APBA2: variants seen among roughly 807,000 people sequenced by gnomAD.
APBA2 encodes the protein amyloid-beta A4 precursor protein-binding family A member 2.
APBA2 carries 30 observed loss-of-function variants against 75.0 expected under a neutral mutation model. The ratio of observed to expected loss-of-function variants is 0.40; its 90% CI spans 0.30 to 0.54. The LOEUF is 0.54. Among genes scored for constraint, APBA2 ranks in the 20% least tolerant of loss-of-function variants. The pLI is 0.49. For missense variants in APBA2, 801 were observed against 1,016.1 expected (o/e 0.79, Z 2.88); for synonymous variants, 444 against 409.6 (o/e 1.08, Z -1.01).
At position 29,106,773 on chromosome 15, in the gene APBA2, C is replaced by G. The variant is rs749185300; in HGVS notation, c.1871C>G (p.Thr624Ser). The G allele has an allele frequency of 6.2e-7, 1 of 1,613,082 alleles. No homozygotes were observed. The highest frequency in any genetic ancestry group is 1.1e-5 in the South Asian group (1 of 91,082). The part of the protein sequence containing the change: ...IGDQIMSING[T>S]SLVGLPLATC... ...GACCAGATCATGTCCATCAATGGCACCAGCCTGGTGGGGCTGCCCCTCGCC... is the reference window on the plus strand; with the variant it reads ...GACCAGATCATGTCCATCAATGGCAGCAGCCTGGTGGGGCTGCCCCTCGCC... The change falls in exon 12 of 15, where the codon ACC becomes AGC. Residue 624 changes from threonine (T) to serine (S), a missense_variant. This residue lies in a region of APBA2 where 367 missense variants were observed against 544.5 expected (regional missense o/e 0.67). Transcript: ENST00000683413.
In APBA2 at chr15:29,046,031, T is replaced by C. The variant is rs1266324841; in HGVS notation, c.-40-7814T>C. On this transcript the variant is annotated intron_variant, in intron 3 of 14. Transcript: ENST00000683413. The surrounding 1 kb of genome is among the most constrained non-coding windows in gnomAD (Gnocchi z 5.0). ...TTGGAGATTCTTTGACCAGACGTTT[T>C]GAGAGTCTGGCAGCCCGGAAAGGTG... Among the ~76,000 whole-genome samples the C allele has an allele frequency of 6.6e-6, 1 of 152,158 alleles. No individual in the cohort carries two copies. Among genetic ancestry groups the C allele is most frequent in the African/African-American group, 2.4e-5 (1 of 41,440 alleles).
intron 3 of APBA2, among the ~76,000 whole-genome samples, chr15:29,029,227 G>A (rs2040370464): frequency 6.6e-6 from 1 of 151,564 alleles, no homozygotes; most frequent in South Asian, 2.1e-4. Flanking sequence ...TTTGCATATA[G>A]CTAGCCACTT....
At chr15:28,982,992 G>T (rs2037706250) in intron 2 of APBA2, among the ~76,000 whole-genome samples, 1 of 152,218 alleles carries the variant, frequency 6.6e-6, no homozygotes, top group Non-Finnish European at 1.5e-5. Context: ...GGCACCTACG[G>T]AGGCCACAAG....
chr15:29,060,036 C>T (rs979026098), intron 4 of APBA2, among the ~76,000 whole-genome samples: 3 of 152,094 alleles, frequency 2.0e-5, no homozygotes, highest in African/African-American at 7.2e-5. Flanking sequence ...GAGTAAAGGA[C>T]CCGTACACAT....
At chr15:29,101,880 A>C (rs1567013505) in intron 10 of APBA2, 96 bp downstream of exon 10, 18 of 1,258,908 alleles carry the variant, frequency 1.4e-5, no homozygotes, top group Non-Finnish European at 2.0e-5. Context: ...TCAGGTGGAA[A>C]GCCTCCATGC....
intron 2 of APBA2, among the ~76,000 whole-genome samples, chr15:28,958,332 T>C (rs2036282834): frequency 6.6e-6 from 1 of 152,230 alleles, no homozygotes; most frequent in African/African-American, 2.4e-5. Flanking sequence ...AAACCATTAC[T>C]GGGCCCAGGC....
At chr15:28,979,781 G>A (rs2037527962) in intron 2 of APBA2, among the ~76,000 whole-genome samples, 1 of 152,184 alleles carries the variant, frequency 6.6e-6, no homozygotes, top group Non-Finnish European at 1.5e-5. Context: ...GAGACTCTGA[G>A]CAGGTCACTT....
Position 29,106,836 on chromosome 15 carries a change from C to T in APBA2, c.1917+17C>T. 6.2e-7 allele frequency: 1 copy of T among 1,608,408 alleles called. No individual in the cohort carries two copies. The highest frequency in any genetic ancestry group is 8.5e-7 in the Non-Finnish European group (1 of 1,176,072). The stretch of plus-strand genomic sequence containing the variant: ...ATCATCAAGGTAGGCACCCTGGGAT[C>T]CTCCGCCCAGGGGTCACCTCAACCC... On this transcript the variant is annotated intron_variant, in intron 12 of 14. Coordinates refer to ENST00000683413, the MANE Select transcript of APBA2 (RefSeq NM_001353788.2).
At chr15:28,996,066 A>G (rs987692585) in intron 3 of APBA2, among the ~76,000 whole-genome samples, 1 of 152,056 alleles carries the variant, frequency 6.6e-6, no homozygotes, top group Non-Finnish European at 1.5e-5. Context: ...ACCCAATGAC[A>G]ACACAGCAAG....
At chr15:28,988,268 CTT>C (rs1450368077) in intron 2 of APBA2, among the ~76,000 whole-genome samples, 10 of 140,110 alleles carry the variant, frequency 7.1e-5, no homozygotes, top group Admixed American at 1.4e-4. Flanking sequence ...TGTAGTGTGC[CTT>C]TTTTTTTTTT....
intron 3 of APBA2, among the ~76,000 whole-genome samples, chr15:29,012,378 T>A (rs2039444142): frequency 1.3e-5 from 2 of 152,196 alleles, no homozygotes; most frequent in Admixed American, 1.3e-4. Context: ...TTCTCATGGT[T>A]CAATAGGGGC....
At chr15:28,900,914 G>A (rs1339930966) in intron 1 of APBA2, among the ~76,000 whole-genome samples, 1 of 152,130 alleles carries the variant, frequency 6.6e-6, no homozygotes, top group African/African-American at 2.4e-5. Context: ...ACATGCATGC[G>A]GCCCACTGCC....
chr15:29,107,003 A>G (rs1037701790), intron 12 of APBA2, among the ~76,000 whole-genome samples, 184 bp downstream of exon 12: 1 of 152,132 alleles, frequency 6.6e-6, no homozygotes, highest in South Asian at 2.1e-4. Flanking sequence ...ACCATTCCCC[A>G]TGTCTGAATC....
At chr15:29,109,441 C>T (rs1488073403) in intron 13 of APBA2, among the ~76,000 whole-genome samples, 2 of 151,902 alleles carry the variant, frequency 1.3e-5, no homozygotes, top group South Asian at 2.1e-4. Flanking sequence ...GCAGTGGGGG[C>T]GGTGGGGGTG....
intron 4 of APBA2, among the ~76,000 whole-genome samples, chr15:29,058,349 A>G (rs1041582358): frequency 8.5e-5 from 13 of 152,104 alleles, no homozygotes; most frequent in African/African-American, 3.1e-4. Context: ...TGTCTCTGCT[A>G]AAAATATAAA....
At chr15:29,035,740 G>C (rs2040715188) in intron 3 of APBA2, among the ~76,000 whole-genome samples, 1 of 152,148 alleles carries the variant, frequency 6.6e-6, no homozygotes, top group African/African-American at 2.4e-5. Context: ...AGCATCCCCT[G>C]GGCATGTGTG....
At chr15:29,116,656 G>C (rs1190672909) in intron 14 of APBA2, among the ~76,000 whole-genome samples, 2 of 151,674 alleles carry the variant, frequency 1.3e-5, no homozygotes, top group Admixed American at 1.3e-4. Context: ...AGGGGTGCGT[G>C]TGTCTTCCCC....
chr15:29,067,011 T>TG (rs2042406771), intron 4 of APBA2, among the ~76,000 whole-genome samples: 1 of 151,870 alleles, frequency 6.6e-6, no homozygotes, highest in Non-Finnish European at 1.5e-5. Flanking sequence ...GAAGGCAGAG[T>TG]GGGAGCCAGC....
chr15:28,931,405 A>G (rs1041947062), intron 2 of APBA2, among the ~76,000 whole-genome samples: 17 of 152,166 alleles, frequency 1.1e-4, no homozygotes, highest in African/African-American at 4.1e-4. Flanking sequence ...TGAGACTCAG[A>G]GGGAGTCTCA....
Sources: allele counts gnomAD v4.1 joint callset (sites outside exome capture counted in the v4.1 genomes callset), GRCh38; gene constraint gnomAD v4.1.1; regional missense constraint gnomAD v4.1.1; non-coding constraint Gnocchi (gnomAD v3.1); transcripts MANE v1.5; gene names NCBI Gene and HGNC (gene_info 2026-07-23, HGNC 2026-07-21).